STK32B: variants seen among roughly 807,000 people sequenced by gnomAD.
The protein encoded by STK32B is serine/threonine kinase 32B, also known as serine/threonine-protein kinase 32B.
A neutral mutation model predicts 52.6 loss-of-function variants in STK32B; 43 were observed. The observed-to-expected ratio is 0.82, with a 90% CI of 0.64 to 1.05. STK32B has a LOEUF of 1.05. STK32B is among the 50% of genes least tolerant of loss of function. The pLI, the probability that STK32B is intolerant of heterozygous loss-of-function variation, is 0.00. For missense variants in STK32B, 621 were observed against 534.6 expected (o/e 1.16, Z -1.59); for synonymous variants, 238 against 204.3 (o/e 1.17, Z -1.41).
At chr4:5,357,628 A>T in intron 4 of STK32B, among the ~76,000 whole-genome samples, 1 of 152,028 alleles carries the variant, frequency 6.6e-6, no homozygotes. Flanking sequence ...AAAAACTGTT[A>T]CAGCCCTTTT....
chr4:5,180,023 A>T (rs1720235087), intron 3 of STK32B, among the ~76,000 whole-genome samples: 1 of 152,182 alleles, frequency 6.6e-6, no homozygotes, highest in Non-Finnish European at 1.5e-5. Context: ...ATTGAGTCTC[A>T]TGGACAGGCA....
At chr4:5,456,718 C>A in intron 7 of STK32B, 89 bp from the exon 8 acceptor site, 1 of 1,177,966 alleles carries the variant, frequency 8.5e-7, no homozygotes, top group Non-Finnish European at 1.2e-6. Context: ...GAAGAATAAA[C>A]CATCCCTCAT....
intron 3 of STK32B, among the ~76,000 whole-genome samples, chr4:5,190,239 A>T (rs1488249301): frequency 1.3e-5 from 2 of 152,148 alleles, no homozygotes; most frequent in Non-Finnish European, 2.9e-5. Context: ...AACCTTGTAT[A>T]TGTTGGTGGG....
chr4:5,101,750 A>G (rs1281965250), intron 1 of STK32B, among the ~76,000 whole-genome samples: 1 of 152,194 alleles, frequency 6.6e-6, no homozygotes, highest in Non-Finnish European at 1.5e-5. Flanking sequence ...AACCGCAACC[A>G]AAATTCCTGT....
intron 3 of STK32B, among the ~76,000 whole-genome samples, chr4:5,314,258 C>G (rs1730510282): frequency 6.6e-6 from 1 of 152,154 alleles, no homozygotes; most frequent in Non-Finnish European, 1.5e-5. Flanking sequence ...ACAAATATGC[C>G]CAACTGCAAA....
At chr4:5,080,131 C>G (rs978246176) in intron 1 of STK32B, among the ~76,000 whole-genome samples, 4 of 152,048 alleles carry the variant, frequency 2.6e-5, no homozygotes, top group African/African-American at 9.7e-5. Flanking sequence ...TAACTAAGAT[C>G]ATGTTACTCC....
chr4:5,174,839 A>G (rs1017778032), intron 3 of STK32B, among the ~76,000 whole-genome samples: 4 of 152,222 alleles, frequency 2.6e-5, no homozygotes, highest in East Asian at 3.9e-4. Flanking sequence ...CTGAATTTGA[A>G]TGTTGGCCTG....
At chr4:5,157,750 T>G (rs1385172663) in intron 2 of STK32B, among the ~76,000 whole-genome samples, 1 of 152,210 alleles carries the variant, frequency 6.6e-6, no homozygotes, top group Non-Finnish European at 1.5e-5. Flanking sequence ...AGCTTAGAGC[T>G]TATTAAACAG....
At chr4:5,374,779 C>T (rs10011113) in intron 4 of STK32B, among the ~76,000 whole-genome samples, 7 of 136,234 alleles carry the variant, frequency 5.1e-5, no homozygotes, top group East Asian at 2.2e-4. Context: ...TTGACGGGGG[C>T]GGGGGGGGAA....
chr4:5,154,069 A>G (rs1313269698), intron 2 of STK32B, among the ~76,000 whole-genome samples: 3 of 152,212 alleles, frequency 2.0e-5, no homozygotes, highest in African/African-American at 4.8e-5. Context: ...GTAGAGGTAT[A>G]TTACCCAATA....
At chr4:5,461,708 G>A (rs1322866518) in intron 9 of STK32B, among the ~76,000 whole-genome samples, 2 of 152,188 alleles carry the variant, frequency 1.3e-5, no homozygotes, top group Non-Finnish European at 2.9e-5. Context: ...TTCCCTCGCA[G>A]GCAGGGCTCC....
chr4:5,085,781 C>G (rs566543830), intron 1 of STK32B, among the ~76,000 whole-genome samples: 2 of 152,270 alleles, frequency 1.3e-5, no homozygotes, highest in East Asian at 1.9e-4. Flanking sequence ...GAACAGTAAG[C>G]TTTGTGGTAT....
intron 3 of STK32B, among the ~76,000 whole-genome samples, chr4:5,267,000 A>G (rs948433367): frequency 8.5e-5 from 13 of 152,174 alleles, no homozygotes; most frequent in Non-Finnish European, 1.5e-4. Flanking sequence ...AGGGCTCCCC[A>G]TCTCAAACAT....
chr4:5,269,431 A>G (rs1291932029), intron 3 of STK32B, among the ~76,000 whole-genome samples: 3 of 152,200 alleles, frequency 2.0e-5, no homozygotes, highest in Admixed American at 1.3e-4. Context: ...AATAAACTGC[A>G]CTTCAAATTA....
chr4:5,059,321 A>C (rs1742130205), intron 1 of STK32B, among the ~76,000 whole-genome samples: 1 of 151,896 alleles, frequency 6.6e-6, no homozygotes, highest in Non-Finnish European at 1.5e-5. Context: ...CTATTTTACA[A>C]TTAAGTATTA....
chr4:5,210,148 T>A (rs780798456), intron 3 of STK32B, among the ~76,000 whole-genome samples: 23 of 152,316 alleles, frequency 1.5e-4, no homozygotes, highest in Middle Eastern at 3.4e-3. Context: ...TAGCATCTTG[T>A]TACAAAGGCA....
rs1313814974 is a variant in STK32B at position 5,381,806 on chromosome 4, A to G, written c.435-16401A>G. Among the ~76,000 whole-genome samples, 8 of 152,194 alleles carry G rather than the reference A, an allele frequency of 5.3e-5. No homozygotes were observed. In the East Asian group the frequency reaches 9.6e-4, roughly 18 times the overall value. On this transcript the variant is annotated intron_variant, in intron 4 of 11. Transcript: ENST00000282908. Reference sequence around the variant, plus strand: ...CTGGGTTTTTAATCCTGGCTCTTCCATCACTTACTAGTTGAGTGTGGTAGT... The same window carrying G: ...CTGGGTTTTTAATCCTGGCTCTTCCGTCACTTACTAGTTGAGTGTGGTAGT...
rs534756093 is a variant in STK32B at position 5,336,155 on chromosome 4, G to C, written c.434+4762G>C. Among the ~76,000 whole-genome samples the C allele has an allele frequency of 8.1e-5, 12 of 147,452 alleles. No homozygotes were observed. The South Asian group carries it at 2.7e-3, about 33-fold the overall frequency. ...ACATAATCATACTAGATGCTGAAAT[G>C]ACACCCACACACCCACCCACACACA... On this transcript the variant is annotated intron_variant, in intron 4 of 11. Transcript: ENST00000282908.
intron 3 of STK32B, among the ~76,000 whole-genome samples, chr4:5,222,455 T>C (rs1037647024): frequency 2.6e-5 from 4 of 152,210 alleles, no homozygotes; most frequent in Admixed American, 2.6e-4. Flanking sequence ...TAAGTGGTCA[T>C]GATCAGAATG....
Sources: allele counts gnomAD v4.1 joint callset (sites outside exome capture counted in the v4.1 genomes callset), GRCh38; gene constraint gnomAD v4.1.1; transcripts MANE v1.5; gene names NCBI Gene and HGNC (gene_info 2026-07-23, HGNC 2026-07-21).